Variants in ACAT2 observed in about 807,000 individuals in gnomAD.
ACAT2 encodes acetyl-CoA acetyltransferase, cytosolic.
In ACAT2, 26 loss-of-function variants were observed where a neutral mutation model predicts 37.1. The observed-to-expected ratio is 0.70, with a 90% CI of 0.51 to 0.97. ACAT2 has a LOEUF of 0.97. Ranked by LOEUF, ACAT2 falls within the 50% of genes least tolerant of loss-of-function variation. The probability of loss-of-function intolerance (pLI) is 0.00; values close to 1 mark genes in which losing one functional copy is unlikely to be tolerated. For synonymous variants in ACAT2, 156 were observed against 163.6 expected, an observed-to-expected ratio of 0.95 and a Z score of 0.35; for missense variants, 468 against 489.0, an observed-to-expected ratio of 0.96 and a Z score of 0.40.
At chr6:159,776,690 T>C (rs1780420571) in intron 6 of ACAT2, among the ~76,000 whole-genome samples, 1 of 152,240 alleles carries the variant, frequency 6.6e-6, no homozygotes, top group Admixed American at 6.5e-5. Context: ...TATCTACCTT[T>C]GTATTTTTCC....
intron 1 of ACAT2, chr6:159,762,457 G>A: frequency 7.5e-7 from 1 of 1,337,966 alleles, no homozygotes; most frequent in Non-Finnish European, 9.6e-7. Context: ...CCCCTGATTG[G>A]CCGGCTCCGG....
In ACAT2 at chr6:159,768,560, CACTG is replaced by C. The variant is rs776469204; in HGVS notation, c.429_432del (p.Asp144ValfsTer23). The stretch of plus-strand genomic sequence containing the variant: ...ACAGGAGTAAAGATAGGTGAGATGC[CACTG>C]ACTGACAGTATACTCTGTGATGGTC... On this transcript the variant is annotated frameshift_variant, in exon 4 of 9. Transcript: ENST00000367048. LOFTEE classifies it high-confidence loss of function. 4 of 1,613,974 alleles carry C rather than the reference CACTG, an allele frequency of 2.5e-6. No homozygotes were observed. The highest frequency in any genetic ancestry group is 1.1e-5 in the South Asian group (1 of 91,078).
chr6:159,766,833 C>G (rs916304182), intron 2 of ACAT2, among the ~76,000 whole-genome samples, 172 bp from the exon 3 acceptor site: 2 of 152,224 alleles, frequency 1.3e-5, no homozygotes, highest in Non-Finnish European at 2.9e-5. Context: ...AAGGGCTAGA[C>G]TGTGACAGGT....
intron 4 of ACAT2, among the ~76,000 whole-genome samples, chr6:159,771,635 A>T (rs970187124): frequency 2.1e-4 from 31 of 150,820 alleles, no homozygotes; most frequent in African/African-American, 6.9e-4. Flanking sequence ...TGGGCAACAG[A>T]GTGAGACTCT....
At chr6:159,768,678 A>T in intron 4 of ACAT2, 50 bp downstream of exon 4, 2 of 1,323,650 alleles carry the variant, frequency 1.5e-6, no homozygotes, top group African/African-American at 2.9e-5. Flanking sequence ...GGTTAAAAAG[A>T]CCATATACTA....
At chr6:159,765,684 C>A (rs904733108) in intron 2 of ACAT2, among the ~76,000 whole-genome samples, 4 of 151,346 alleles carry the variant, frequency 2.6e-5, no homozygotes, top group African/African-American at 4.9e-5. Context: ...CGCCCCCCTC[C>A]CCCGGCCTCC....
chr6:159,763,153 C>G, intron 2 of ACAT2, 100 bp downstream of exon 2: 1 of 1,469,782 alleles, frequency 6.8e-7, no homozygotes, highest in Non-Finnish European at 9.1e-7. Context: ...CTCTCTCACT[C>G]ACTCAAGTTC....
In ACAT2 at chr6:159,762,736, G is replaced by C. The variant is rs746074903; in HGVS notation, c.56-183G>C. ...GTCGCCTGTCCAGCCCTCGGCTGCT[G>C]CGAGTTGTGGCACCCACCTTGACCT... On this transcript the variant is annotated intron_variant, in intron 1 of 8. Coordinates refer to ENST00000367048, the MANE Select transcript of ACAT2 (RefSeq NM_005891.3). 3.9e-6 allele frequency: 6 copies of C among 1,555,188 alleles called. No individual in the cohort carries two copies. The African/African-American group carries it at 8.1e-5, about 21-fold the overall frequency.
chr6:159,766,006 T>G (rs1026091750), intron 2 of ACAT2, among the ~76,000 whole-genome samples: 1 of 152,216 alleles, frequency 6.6e-6, no homozygotes, highest in East Asian at 1.9e-4. Flanking sequence ...TAACAGACAA[T>G]GGCGATTGAG....
intron 1 of ACAT2, 142 bp from the exon 2 acceptor site, chr6:159,762,777 G>T: frequency 6.3e-7 from 1 of 1,592,380 alleles, no homozygotes. Flanking sequence ...CAGACCAGCA[G>T]GTGTAGGAAC....
In ACAT2 at chr6:159,763,113, C is replaced by G. The variant is rs574752212; in HGVS notation, c.190+60C>G. 214 of 1,555,686 alleles carry G rather than the reference C, an allele frequency of 1.4e-4. 1 individual carries two copies. The African/African-American group carries it at 2.8e-3, about 20-fold the overall frequency. The stretch of plus-strand genomic sequence containing the variant: ...ATTAGAAACAGCCCATAAACACACA[C>G]ACACACACACACTCTCACACACTCA... On this transcript the variant is annotated intron_variant, in intron 2 of 8. Transcript: ENST00000367048.
chr6:159,770,261 G>GAT (rs1259125591), intron 4 of ACAT2, among the ~76,000 whole-genome samples: 1 of 152,086 alleles, frequency 6.6e-6, no homozygotes, highest in Non-Finnish European at 1.5e-5. Context: ...GAACTTTCTA[G>GAT]ATACACAAAG....
At position 159,778,925 on chromosome 6, in the gene ACAT2, C is replaced by G; in HGVS notation, c.*96C>G. 4 of 1,568,910 alleles carry G rather than the reference C, an allele frequency of 2.5e-6. No individual in the cohort carries two copies. In the South Asian group the frequency reaches 4.7e-5, roughly 18 times the overall value. On this transcript the variant is annotated 3_prime_UTR_variant, in exon 9 of 9. Transcript: ENST00000367048. ...CAGAGGACCAAAGTACAGATGGAAA[C>G]CATTTCCTACATCACAAAAACCCAA...
chr6:159,763,377 AC>A (rs1780191201), intron 2 of ACAT2, among the ~76,000 whole-genome samples: 1 of 151,790 alleles, frequency 6.6e-6, no homozygotes, highest in African/African-American at 2.4e-5. Flanking sequence ...ACAAAGCAAG[AC>A]CCCGTCTCTA....
At chr6:159,774,384 TA>T (rs1780381970) in intron 4 of ACAT2, among the ~76,000 whole-genome samples, 1 of 152,210 alleles carries the variant, frequency 6.6e-6, no homozygotes, top group Non-Finnish European at 1.5e-5. Flanking sequence ...ATTACTGAAA[TA>T]TAGGTGAAAT....
In ACAT2 at chr6:159,764,700, T is replaced by C. The variant is rs550688629; in HGVS notation, c.190+1647T>C. On this transcript the variant is annotated intron_variant, in intron 2 of 8. Transcript: ENST00000367048. ...TCACAGGCACAATCATGGTGCACCATGCCCTTGAACTTCTGAGCTAGCTGG... is the reference window on the plus strand; with the variant it reads ...TCACAGGCACAATCATGGTGCACCACGCCCTTGAACTTCTGAGCTAGCTGG... Among the ~76,000 whole-genome samples, 9 of 152,292 alleles carry C rather than the reference T, an allele frequency of 5.9e-5. 1 individual carries two copies. In the South Asian group the frequency reaches 1.7e-3, roughly 28 times the overall value.
At chr6:159,775,077 G>A in intron 4 of ACAT2, 93 bp from the exon 5 acceptor site, 2 of 1,412,614 alleles carry the variant, frequency 1.4e-6, no homozygotes, top group Non-Finnish European at 1.9e-6. Flanking sequence ...AGCATATGTG[G>A]TCAGTCAGTG....
chr6:159,762,865 T>C, intron 1 of ACAT2, 54 bp from the exon 2 acceptor site: 5 of 1,598,504 alleles, frequency 3.1e-6, no homozygotes, highest in Non-Finnish European at 4.3e-6. Context: ...CGTAGGTGGT[T>C]CCCGTATTAC....
chr6:159,763,332 C>T (rs989036826), intron 2 of ACAT2, among the ~76,000 whole-genome samples: 1 of 152,026 alleles, frequency 6.6e-6, no homozygotes, highest in African/African-American at 2.4e-5. Context: ...GAGGAAGGAT[C>T]ACTTGAGTCC....
Sources: allele counts gnomAD v4.1 joint callset (sites outside exome capture counted in the v4.1 genomes callset), GRCh38; gene constraint gnomAD v4.1.1; transcripts MANE v1.5; gene names NCBI Gene and HGNC (gene_info 2026-07-23, HGNC 2026-07-21).